The following CDC37L1 variants were observed in gnomAD, a reference collection of about 807,000 sequenced individuals.
The protein encoded by CDC37L1 is cell division cycle 37 like 1, HSP90 cochaperone, also known as hsp90 co-chaperone Cdc37-like 1.
A neutral mutation model predicts 45.9 loss-of-function variants in CDC37L1; 32 were observed. The observed-to-expected ratio is 0.70, with a 90% CI of 0.53 to 0.94. CDC37L1 has a LOEUF of 0.94. CDC37L1 is among the 40% of genes least tolerant of loss of function. The pLI is 0.00. For synonymous variants in CDC37L1, 150 were observed against 133.0 expected, an observed-to-expected ratio of 1.13 and a Z score of -0.88; for missense variants, 434 against 405.7, an observed-to-expected ratio of 1.07 and a Z score of -0.60.
At chr9:4,696,916 G>A (rs1027864181) in intron 3 of CDC37L1, among the ~76,000 whole-genome samples, 180 bp from the exon 4 acceptor site, 13 of 152,166 alleles carry the variant, frequency 8.5e-5, no homozygotes, top group Non-Finnish European at 1.3e-4. Flanking sequence ...GCTTTAAAGA[G>A]TACTGTCCCT....
chr9:4,692,435 A>G (rs1166045647), intron 3 of CDC37L1, among the ~76,000 whole-genome samples: 1 of 151,892 alleles, frequency 6.6e-6, no homozygotes. Context: ...ACGCCTGGCT[A>G]ATTTTTGTAT....
rs759274522 is a variant in CDC37L1 at position 4,706,055 on chromosome 9, C to G, written c.957C>G (p.Ser319Arg). ...LQYSISTALC[S>R]LNSVVHKEDD... ...ATTCTATCAGTACAGCTCTCTGCAGCTTAAACTCGGTGGTACATAAAGAAG... is the reference window on the plus strand; with the variant it reads ...ATTCTATCAGTACAGCTCTCTGCAGGTTAAACTCGGTGGTACATAAAGAAG... The change falls in exon 7 of 7, where the codon AGC (serine) becomes AGG (arginine). Residue 319 changes from serine to arginine, a missense_variant. Transcript: ENST00000381854. The G allele has an allele frequency of 1.2e-6, 2 of 1,606,200 alleles. No homozygotes were observed. The highest frequency in any genetic ancestry group is 1.7e-6 in the Non-Finnish European group (2 of 1,172,926).
intron 2 of CDC37L1, among the ~76,000 whole-genome samples, chr9:4,686,402 CTT>C (rs201207078): frequency 0.016 from 2,440 of 152,226 alleles, 44 homozygotes; most frequent in African/African-American, 0.045. Context: ...TGGGATCATT[CTT>C]TATCTGAGTC....
chr9:4,685,106 A>G lies in CDC37L1; in HGVS notation c.362A>G (p.Glu121Gly). The change falls in exon 2 of 7, where the codon GAG becomes GGG. Residue 121 changes from glutamate to glycine, a missense_variant. Coordinates refer to ENST00000381854, the MANE Select transcript of CDC37L1 (RefSeq NM_017913.4). ...RQKEEALVQR[E>G]KMCLWSTDAI... ...AAAGAAGAAGCTCTAGTACAAAGAG[A>G]GAAGATGTGTCTGTGGAGCACGGAT... The G allele has an allele frequency of 3.1e-6, 5 of 1,613,888 alleles. No individual in the cohort carries two copies. The highest frequency in any genetic ancestry group is 4.2e-6 in the Non-Finnish European group (5 of 1,179,754).
Position 4,682,898 on chromosome 9 carries a change from T to A in CDC37L1, c.133-1979T>A, listed in dbSNP as rs1242919380. 1.5e-4 allele frequency among the ~76,000 whole-genome samples: 22 copies of A among 150,644 alleles called. No individual in the cohort carries two copies. The Middle Eastern group carries it at 0.014, about 94-fold the overall frequency. On this transcript the variant is annotated intron_variant, in intron 1 of 6. Coordinates refer to ENST00000381854, the MANE Select transcript of CDC37L1 (RefSeq NM_017913.4). Reference sequence around the variant, plus strand: ...AGTCTACAGTTATTCTTGATCCTATTCTAAGATAACTATTCTTGATCCTAT... The same window carrying A: ...AGTCTACAGTTATTCTTGATCCTATACTAAGATAACTATTCTTGATCCTAT...
At chr9:4,683,306 A>G (rs1841215768) in intron 1 of CDC37L1, among the ~76,000 whole-genome samples, 1 of 151,816 alleles carries the variant, frequency 6.6e-6, no homozygotes, top group Admixed American at 6.6e-5. Context: ...CTTGGTTACT[A>G]CTTGCCTCAG....
chr9:4,704,848 T>G (rs564562855), intron 6 of CDC37L1, among the ~76,000 whole-genome samples: 44 of 152,228 alleles, frequency 2.9e-4, no homozygotes, highest in African/African-American at 1.1e-3. Flanking sequence ...AACAGTTAAC[T>G]TTAGGTTTAT....
At chr9:4,685,338 G>A in intron 2 of CDC37L1, 180 bp downstream of exon 2, 2 of 551,756 alleles carry the variant, frequency 3.6e-6, no homozygotes, top group South Asian at 4.7e-5. Flanking sequence ...TTGCTGTAGA[G>A]CTGCAGACTC....
In CDC37L1 at chr9:4,706,366, T is replaced by C. The variant is rs3174298; in HGVS notation, c.*254T>C. The C allele has an allele frequency of 0.42, 115,601 of 273,836 alleles. 26,958 individuals are homozygous for C. Among genetic ancestry groups the C allele is most frequent in the African/African-American group, 0.65 (29,817 of 45,794 alleles). 17.0% of individuals were successfully genotyped at this position (273,836 alleles called of 1,614,324 possible). ...GACTTTTTGTGGCTACTAAATTTGC[T>C]TTTAATCTTATTGTTCTCAATTTTG... is the stretch of plus-strand genomic sequence containing the variant. On this transcript the variant is annotated 3_prime_UTR_variant, in exon 7 of 7. Coordinates refer to ENST00000381854, the MANE Select transcript of CDC37L1 (RefSeq NM_017913.4).
Position 4,703,137 on chromosome 9 carries a change from G to C in CDC37L1, c.912+1109G>C, listed in dbSNP as rs190548554. ...GCCAGTTTAATCTGTTGTCTACATT[G>C]TGAGAAGGAAAGTCTTATTCAAAAG... is the stretch of plus-strand genomic sequence containing the variant. On this transcript the variant is annotated intron_variant, in intron 6 of 6. Coordinates refer to ENST00000381854, the MANE Select transcript of CDC37L1 (RefSeq NM_017913.4). The C allele has an allele frequency of 4.7e-4, 713 of 1,514,582 alleles. 4 individuals are homozygous for C. The African/African-American group carries it at 9.2e-3, about 19-fold the overall frequency. The allele number at this position is 1,514,582 out of a possible 1,614,324, so 93.8% of individuals were successfully genotyped here.
intron 1 of CDC37L1, among the ~76,000 whole-genome samples, chr9:4,682,344 T>TTTTTTTTTTTTTTTTA: frequency 6.8e-6 from 1 of 147,060 alleles, no homozygotes; most frequent in South Asian, 2.2e-4. Flanking sequence ...TTTTTTTTTT[T>TTTTTTTTTTTTTTTTA]GAGATGGAGT....
intron 5 of CDC37L1, among the ~76,000 whole-genome samples, chr9:4,699,108 T>C: frequency 6.6e-6 from 1 of 152,194 alleles, no homozygotes; most frequent in East Asian, 1.9e-4. Flanking sequence ...TTTTGAAGAC[T>C]GTAAAGAGAA....
intron 5 of CDC37L1, among the ~76,000 whole-genome samples, chr9:4,701,586 CTTCTT>C (rs763359040): frequency 8.5e-5 from 12 of 141,390 alleles, no homozygotes; most frequent in Non-Finnish European, 1.8e-4. Flanking sequence ...CAGAGAAAGC[CTTCTT>C]TTCTTTTAGT....
intron 1 of CDC37L1, among the ~76,000 whole-genome samples, chr9:4,682,783 T>A (rs1300453478): frequency 3.3e-5 from 5 of 151,960 alleles, no homozygotes; most frequent in Non-Finnish European, 1.5e-5. Flanking sequence ...AAAAGAAGTT[T>A]TATATACAAA....
At chr9:4,694,033 A>G (rs1471166102) in intron 3 of CDC37L1, among the ~76,000 whole-genome samples, 4 of 152,190 alleles carry the variant, frequency 2.6e-5, no homozygotes, top group Admixed American at 2.0e-4. Flanking sequence ...TTCCAAAATA[A>G]TATCAGTAAT....
At chr9:4,695,823 C>T (rs1841342526) in intron 3 of CDC37L1, among the ~76,000 whole-genome samples, 1 of 152,274 alleles carries the variant, frequency 6.6e-6, no homozygotes, top group South Asian at 2.1e-4. Context: ...GAGTCTCTCG[C>T]TCTGTCGCCC....
chr9:4,700,734 C>T (rs1250976663), intron 5 of CDC37L1, among the ~76,000 whole-genome samples: 1 of 152,222 alleles, frequency 6.6e-6, no homozygotes, highest in South Asian at 2.1e-4. Flanking sequence ...TGTATTAACT[C>T]ATTAAATTCA....
intron 5 of CDC37L1, among the ~76,000 whole-genome samples, chr9:4,700,532 G>C (rs551989561): frequency 6.6e-6 from 1 of 152,264 alleles, no homozygotes; most frequent in East Asian, 1.9e-4. Flanking sequence ...GTTTAAACTG[G>C]TGTTTAATAA....
chr9:4,706,028 G>A lies in CDC37L1; in HGVS notation c.930G>A (p.Gln310=). The A allele has an allele frequency of 1.3e-6, 2 of 1,580,054 alleles. No homozygotes were observed. Among genetic ancestry groups the A allele is most frequent in the East Asian group, 2.2e-5 (1 of 44,638 alleles). ...TTCCCCAGAATCCAGATTATCTTCAGTATTCTATCAGTACAGCTCTCTGCA... is the reference window on the plus strand; with the variant it reads ...TTCCCCAGAATCCAGATTATCTTCAATATTCTATCAGTACAGCTCTCTGCA... ...ESLPQNPDYL[Q]YSISTALCSL... is the part of the protein sequence containing the mutation. Residue 310 remains glutamine (Q), a synonymous_variant, in exon 7 of 7, where the codon CAG becomes CAA. Coordinates refer to ENST00000381854, the MANE Select transcript of CDC37L1 (RefSeq NM_017913.4).
Sources: gnomAD v4.1 joint callset for allele counts (sites outside exome capture counted in the v4.1 genomes callset) on GRCh38, gnomAD v4.1.1 for gene constraint, MANE v1.5 for transcripts, NCBI Gene and HGNC (gene_info 2026-07-23, HGNC 2026-07-21) for gene names.